SAR1B: variants seen among roughly 807,000 people sequenced by gnomAD.
SAR1B encodes small COPII coat GTPase SAR1B.
In SAR1B, 23 loss-of-function variants were observed where a neutral mutation model predicts 26.8. That is an observed-to-expected ratio of 0.86 (90% CI 0.62 to 1.22). SAR1B has a LOEUF of 1.22. Ranked by LOEUF, SAR1B falls within the 50% of genes most tolerant of loss-of-function variation. The pLI, the probability that SAR1B is intolerant of heterozygous loss-of-function variation, is 0.00. For synonymous variants in SAR1B, 65 were observed against 80.8 expected, an observed-to-expected ratio of 0.80 and a Z score of 1.05; for missense variants, 196 against 232.8, an observed-to-expected ratio of 0.84 and a Z score of 1.03.
At chr5:134,611,401 A>C (rs965311647) in intron 4 of SAR1B, among the ~76,000 whole-genome samples, 1 of 152,084 alleles carries the variant, frequency 6.6e-6, no homozygotes, top group Non-Finnish European at 1.5e-5. Flanking sequence ...TATGAGGTAG[A>C]TGTTGCCAAG....
intron 5 of SAR1B, 63 bp from the exon 6 acceptor site, chr5:134,608,566 G>A (rs1765166802): frequency 6.5e-7 from 1 of 1,539,898 alleles, no homozygotes; most frequent in Non-Finnish European, 8.9e-7. Flanking sequence ...AGCTTATTTT[G>A]ATATGATAAA....
chr5:134,620,585 G>C (rs994901370), intron 3 of SAR1B, among the ~76,000 whole-genome samples: 4 of 152,134 alleles, frequency 2.6e-5, no homozygotes, highest in African/African-American at 9.7e-5. Flanking sequence ...ACTTGGCCAG[G>C]TGCAGTGGCT....
In SAR1B at chr5:134,625,974, T is replaced by G. The variant is rs184438919; in HGVS notation, c.-18-1937A>C. On this transcript the variant is annotated intron_variant, in intron 1 of 6. Transcript: ENST00000402673. ...AATCTAAGAAGACACAAACTCTGCT[T>G]TGGAAGATAATAATATATATATTTC... The G allele has an allele frequency of 3.9e-5, 6 of 152,186 alleles. No homozygotes were observed. The East Asian group carries it at 1.2e-3, about 29-fold the overall frequency. The allele number at this position is 152,186 out of a possible 1,614,324, so 9.4% of individuals were successfully genotyped here. A position where few individuals can be genotyped will look rare whatever the true frequency, so the allele number is the denominator to read the frequency against.
Position 134,605,314 on chromosome 5 carries a change from T to C in SAR1B, c.*1636A>G, listed in dbSNP as rs975836475. The C allele has an allele frequency of 6.6e-6, 1 of 152,166 alleles. No individual in the cohort carries two copies. The highest frequency in any genetic ancestry group is 2.4e-5 in the African/African-American group (1 of 41,446). The allele number at this position is 152,166 out of a possible 1,614,324, so 9.4% of individuals were successfully genotyped here. A position where few individuals can be genotyped will look rare whatever the true frequency, so the allele number is the denominator to read the frequency against. ...ACTTGGCTTATAATCAGGATAAATC[T>C]TAAACTTGAGGGTCTTTAAAAATAC... On this transcript the variant is annotated 3_prime_UTR_variant, in exon 7 of 7. Transcript: ENST00000402673.
At chr5:134,629,791 T>C (rs1156388768) in intron 1 of SAR1B, among the ~76,000 whole-genome samples, 4 of 143,330 alleles carry the variant, frequency 2.8e-5, no homozygotes, top group Non-Finnish European at 4.5e-5. Flanking sequence ...GAAGCTGAGG[T>C]ATGAGAATTG....
intron 5 of SAR1B, chr5:134,609,027 A>G: frequency 2.2e-6 from 1 of 454,976 alleles, no homozygotes; most frequent in Non-Finnish European, 4.4e-6. Flanking sequence ...GGGCAGAGCC[A>G]TGGTATGATC....
Position 134,612,683 on chromosome 5 carries a change from A to AAATAAC in SAR1B, c.244+7_244+8insGTTATT. On this transcript the variant is annotated splice_region_variant and intron_variant, in intron 4 of 6. Coordinates refer to ENST00000402673, the MANE Select transcript of SAR1B (RefSeq NM_016103.4). The stretch of plus-strand genomic sequence containing the variant: ...AAAAAAAAAAAAAAAAAAAAAAAAG[A>AAATAAC]ATCTTACCTTGAACATGTCCACCCA... 9.5e-7 allele frequency: 1 copy of AAATAAC among 1,055,238 alleles called. No homozygotes were observed. Among genetic ancestry groups the AAATAAC allele is most frequent in the Non-Finnish European group, 1.3e-6 (1 of 756,320 alleles). 65.4% of individuals were successfully genotyped at this position (1,055,238 alleles called of 1,614,324 possible).
chr5:134,616,808 G>T (rs1315675244), intron 3 of SAR1B, among the ~76,000 whole-genome samples: 1 of 152,180 alleles, frequency 6.6e-6, no homozygotes, highest in East Asian at 1.9e-4. Flanking sequence ...ACCAGCTTCT[G>T]CCATGTAGCA....
At chr5:134,624,470 G>A (rs1005635790) in intron 1 of SAR1B, among the ~76,000 whole-genome samples, 2 of 152,102 alleles carry the variant, frequency 1.3e-5, no homozygotes, top group Non-Finnish European at 1.5e-5. Flanking sequence ...GTAATGAACC[G>A]AGATCGCACC....
At chr5:134,610,825 TAA>T (rs766553342) in intron 4 of SAR1B, among the ~76,000 whole-genome samples, 1 of 151,592 alleles carries the variant, frequency 6.6e-6, no homozygotes, top group Non-Finnish European at 1.5e-5. Flanking sequence ...TATGAAATCA[TAA>T]GAGTAATTTT....
intron 2 of SAR1B, among the ~76,000 whole-genome samples, chr5:134,621,475 AAAATAAAT>A (rs56349566): frequency 0.77 from 114,735 of 148,254 alleles, 45,740 homozygotes; most frequent in Non-Finnish European, 0.86. Flanking sequence ...TCTGTCTCAA[AAAATAAAT>A]AAATAAATAA....
At position 134,619,157 on chromosome 5, in the gene SAR1B, C is replaced by T. The variant is rs377513546; in HGVS notation, c.178+1776G>A. ...CCAGCCTGGCCAACATGTTGAAACCCCGTCTCTACTAAAAATACAAAACAT... is the reference window on the plus strand; with the variant it reads ...CCAGCCTGGCCAACATGTTGAAACCTCGTCTCTACTAAAAATACAAAACAT... On this transcript the variant is annotated intron_variant, in intron 3 of 6. Transcript: ENST00000402673. Among the ~76,000 whole-genome samples, 66 of 151,076 alleles carry T rather than the reference C, an allele frequency of 4.4e-4. 1 individual carries two copies. In the Middle Eastern group the frequency reaches 0.014, roughly 32 times the overall value.
At chr5:134,621,891 C>T (rs904025514) in intron 2 of SAR1B, among the ~76,000 whole-genome samples, 8 of 152,286 alleles carry the variant, frequency 5.3e-5, no homozygotes, top group African/African-American at 1.7e-4. Flanking sequence ...TGTGCACCAC[C>T]ACGCCTGACT....
intron 5 of SAR1B, chr5:134,609,044 C>T: frequency 2.2e-6 from 1 of 455,950 alleles, no homozygotes; most frequent in Non-Finnish European, 4.4e-6. Flanking sequence ...GATCAACCTT[C>T]AATCAAATCA....
At chr5:134,630,118 C>T (rs1023627854) in intron 1 of SAR1B, among the ~76,000 whole-genome samples, 9 of 151,382 alleles carry the variant, frequency 5.9e-5, no homozygotes, top group African/African-American at 9.7e-5. Context: ...TTAAAGTGAG[C>T]GAGCGTAGAA....
intron 1 of SAR1B, among the ~76,000 whole-genome samples, chr5:134,624,497 G>C (rs1321753207): frequency 6.6e-6 from 1 of 152,118 alleles, no homozygotes; most frequent in East Asian, 1.9e-4. Context: ...CTCCAGCCAG[G>C]GTGACAGTAA....
At chr5:134,627,075 CAG>C (rs1187278629) in intron 1 of SAR1B, among the ~76,000 whole-genome samples, 1 of 151,356 alleles carries the variant, frequency 6.6e-6, no homozygotes, top group Admixed American at 6.6e-5. Context: ...TTTTTTGAGA[CAG>C]AGTCTCGCCT....
At chr5:134,613,514 C>A (rs1008771451) in intron 3 of SAR1B, 3 of 152,160 alleles carry the variant, frequency 2.0e-5, no homozygotes, top group Non-Finnish European at 4.4e-5. Context: ...CCAATTCATA[C>A]TGACAATATA....
At chr5:134,622,173 C>T (rs375690437) in intron 2 of SAR1B, among the ~76,000 whole-genome samples, 52 of 152,242 alleles carry the variant, frequency 3.4e-4, no homozygotes, top group African/African-American at 1.1e-3. Flanking sequence ...TAAAATAACA[C>T]TTACTCCTTT....
Sources: allele counts gnomAD v4.1 joint callset (sites outside exome capture counted in the v4.1 genomes callset), GRCh38; gene constraint gnomAD v4.1.1; transcripts MANE v1.5; gene names NCBI Gene and HGNC (gene_info 2026-07-23, HGNC 2026-07-21).